The following CUX2 variants were observed in gnomAD, a reference collection of about 807,000 sequenced individuals.
The protein encoded by CUX2 is cut like homeobox 2.
A neutral mutation model predicts 144.8 loss-of-function variants in CUX2; 40 were observed. The ratio of observed to expected loss-of-function variants is 0.28; its 90% CI spans 0.21 to 0.36. The LOEUF (loss-of-function observed/expected upper bound fraction) is 0.36. Among genes scored for constraint, CUX2 ranks in the 10% least tolerant of loss-of-function variants. The pLI is 1.00. For synonymous variants in CUX2, 827 were observed against 875.6 expected (o/e 0.94, Z 0.98); for missense variants, 1,615 against 1,994.0 (o/e 0.81, Z 3.62).
At chr12:111,278,738 T>A (rs1004724377) in intron 4 of CUX2, among the ~76,000 whole-genome samples, 2 of 152,186 alleles carry the variant, frequency 1.3e-5, no homozygotes, top group Non-Finnish European at 1.5e-5. Flanking sequence ...ATTTTAAAGA[T>A]TTTTTGTCAT....
At position 111,034,790 on chromosome 12, in the gene CUX2, C is replaced by T. The variant is rs1437910934; in HGVS notation, c.63+550C>T. Among the ~76,000 whole-genome samples the T allele has an allele frequency of 6.7e-6, 1 of 149,728 alleles. No individual in the cohort carries two copies. Among genetic ancestry groups the T allele is most frequent in the Admixed American group, 6.6e-5 (1 of 15,062 alleles). On this transcript the variant is annotated intron_variant, in intron 1 of 21. Coordinates refer to ENST00000261726, the MANE Select transcript of CUX2 (RefSeq NM_015267.4). This position sits in a 1 kb window ranked among gnomAD's most constrained non-coding sequence, Gnocchi z 4.2. ...GTTGGCGAGGAGGCGGCTCCGCGCC[C>T]CGCCGCTCGCCGGCACCTCAGCCTT... is the stretch of plus-strand genomic sequence containing the variant.
intron 3 of CUX2, among the ~76,000 whole-genome samples, chr12:111,222,866 G>T (rs945682846): frequency 1.3e-5 from 2 of 152,100 alleles, no homozygotes; most frequent in Admixed American, 6.5e-5. Context: ...CTTAGAGAAG[G>T]GGGTAAAGAT....
At chr12:111,058,602 A>G (rs1022216676) in intron 1 of CUX2, among the ~76,000 whole-genome samples, 3 of 152,098 alleles carry the variant, frequency 2.0e-5, no homozygotes, top group Non-Finnish European at 4.4e-5. Context: ...AGAGGGAGCA[A>G]TTCTCTCATC....
intron 1 of CUX2, among the ~76,000 whole-genome samples, chr12:111,163,488 C>G (rs774428360): frequency 5.3e-5 from 8 of 152,134 alleles, no homozygotes; most frequent in Non-Finnish European, 1.2e-4. Flanking sequence ...GGATGTAACC[C>G]TAGGGCTGTC....
chr12:111,129,486 G>T (rs940702343), intron 1 of CUX2, among the ~76,000 whole-genome samples: 15 of 152,252 alleles, frequency 9.9e-5, no homozygotes, highest in Non-Finnish European at 1.0e-4. Flanking sequence ...GGTCCCAGGA[G>T]ATTCAGGCAA....
chr12:111,304,322 T>C lies in CUX2; in HGVS notation c.858+8T>C. On this transcript the variant is annotated splice_region_variant and intron_variant, in intron 10 of 21. Transcript: ENST00000261726. The surrounding 1 kb of genome is among the most constrained non-coding windows in gnomAD (Gnocchi z 4.7). ...CCCCAGGGGCCCAGTGGGGTAAGGA[T>C]GGGGTTGGGGAAGTGAGCAGGGAGG... 1 of 1,610,200 alleles carries C rather than the reference T, an allele frequency of 6.2e-7. No individual in the cohort carries two copies. Among genetic ancestry groups the C allele is most frequent in the Non-Finnish European group, 8.5e-7 (1 of 1,177,392 alleles).
chr12:111,326,593 C>T (rs1438202885), intron 18 of CUX2, among the ~76,000 whole-genome samples: 2 of 151,776 alleles, frequency 1.3e-5, no homozygotes, highest in Non-Finnish European at 2.9e-5. Context: ...TTTTAACTAA[C>T]TTTTTTACTG....
intron 16 of CUX2, among the ~76,000 whole-genome samples, chr12:111,318,643 C>T (rs1167224855): frequency 6.6e-6 from 1 of 151,502 alleles, no homozygotes; most frequent in Non-Finnish European, 1.5e-5. Flanking sequence ...TAAGGACTTC[C>T]TTTTTCACTG....
At chr12:111,257,845 T>G (rs1280094580) in intron 3 of CUX2, among the ~76,000 whole-genome samples, 1 of 151,992 alleles carries the variant, frequency 6.6e-6, no homozygotes, top group East Asian at 1.9e-4. Context: ...GTTCCTGTCA[T>G]AGGGCAAATC....
intron 1 of CUX2, among the ~76,000 whole-genome samples, chr12:111,212,034 C>T (rs183989500): frequency 4.7e-4 from 71 of 152,292 alleles, no homozygotes; most frequent in Admixed American, 3.9e-4. Context: ...GCTGGGAGTA[C>T]GCTGCTGCAA....
chr12:111,323,440 AG>A (rs754670188), intron 18 of CUX2, among the ~76,000 whole-genome samples: 4 of 152,212 alleles, frequency 2.6e-5, no homozygotes, highest in Non-Finnish European at 5.9e-5. Context: ...TAACACCTAC[AG>A]GATGAGACTG....
chr12:111,219,452 A>C (rs1322498494), intron 3 of CUX2, among the ~76,000 whole-genome samples: 3 of 152,028 alleles, frequency 2.0e-5, no homozygotes, highest in African/African-American at 7.2e-5. Flanking sequence ...TCAGCACACA[A>C]GCTCCCTATA....
At chr12:111,093,422 GAGC>G (rs1329426134) in intron 1 of CUX2, among the ~76,000 whole-genome samples, 3 of 152,042 alleles carry the variant, frequency 2.0e-5, no homozygotes, top group Middle Eastern at 3.2e-3. Flanking sequence ...GTGGGGCGGT[GAGC>G]AAGTAAGTGC....
intron 1 of CUX2, among the ~76,000 whole-genome samples, chr12:111,078,868 C>T (rs1358481214): frequency 3.9e-5 from 6 of 152,072 alleles, no homozygotes; most frequent in African/African-American, 1.4e-4. Context: ...CTGGGGGAAG[C>T]GGATGGGTTC....
At chr12:111,233,490 G>A (rs1882585557) in intron 3 of CUX2, among the ~76,000 whole-genome samples, 1 of 152,164 alleles carries the variant, frequency 6.6e-6, no homozygotes, top group Non-Finnish European at 1.5e-5. Flanking sequence ...GCAGAATCCA[G>A]TGAAGATTAA....
chr12:111,319,116 C>A (rs1887367333), intron 16 of CUX2, among the ~76,000 whole-genome samples: 3 of 151,816 alleles, frequency 2.0e-5, no homozygotes, highest in Admixed American at 2.0e-4. Context: ...GAGTTTGAGA[C>A]CACCCTGGGC....
At chr12:111,179,509 C>T (rs1313774333) in intron 1 of CUX2, among the ~76,000 whole-genome samples, 1 of 152,174 alleles carries the variant, frequency 6.6e-6, no homozygotes, top group Non-Finnish European at 1.5e-5. Flanking sequence ...AACGATCCTA[C>T]TTCATGGTGG....
intron 20 of CUX2, among the ~76,000 whole-genome samples, chr12:111,339,873 A>G (rs1888508441): frequency 1.3e-5 from 2 of 152,184 alleles, no homozygotes; most frequent in Non-Finnish European, 2.9e-5. Flanking sequence ...TACTGAAAAT[A>G]AGAGAGCTGG....
At chr12:111,144,303 C>T (rs1003254618) in intron 1 of CUX2, among the ~76,000 whole-genome samples, 11 of 152,244 alleles carry the variant, frequency 7.2e-5, no homozygotes, top group African/African-American at 2.7e-4. Flanking sequence ...CTATCTCAAC[C>T]TTTCAGGACC....
Sources: gnomAD v4.1 joint callset for allele counts (sites outside exome capture counted in the v4.1 genomes callset) on GRCh38, gnomAD v4.1.1 for gene constraint, Gnocchi (gnomAD v3.1) non-coding constraint, MANE v1.5 for transcripts, NCBI Gene and HGNC (gene_info 2026-07-23, HGNC 2026-07-21) for gene names.